The following MCC variants were observed in gnomAD, a reference collection of about 807,000 sequenced individuals.
MCC encodes the protein colorectal mutant cancer protein.
In MCC, 90 loss-of-function variants were observed where a neutral mutation model predicts 116.2. The ratio of observed to expected loss-of-function variants is 0.77; its 90% CI spans 0.65 to 0.92. The LOEUF (loss-of-function observed/expected upper bound fraction) is 0.92. MCC is among the 40% of genes least tolerant of loss of function. MCC has a pLI of 0.00. For synonymous variants in MCC, 578 were observed against 510.5 expected, an observed-to-expected ratio of 1.13 and a Z score of -1.78; for missense variants, 1,516 against 1,312.2, an observed-to-expected ratio of 1.16 and a Z score of -2.40.
At chr5:113,140,791 A>G (rs967179622) in intron 5 of MCC, among the ~76,000 whole-genome samples, 1 of 152,206 alleles carries the variant, frequency 6.6e-6, no homozygotes, top group Non-Finnish European at 1.5e-5. Flanking sequence ...TCTGTCCAGT[A>G]TGACAAGCAA....
intron 16 of MCC, among the ~76,000 whole-genome samples, chr5:113,044,761 A>G (rs1580911558): frequency 6.6e-6 from 1 of 152,108 alleles, no homozygotes; most frequent in East Asian, 1.9e-4. Context: ...TTTAGTAGAG[A>G]CGGGGTTTCT....
rs780358275 is a variant in MCC at position 113,084,155 on chromosome 5, G to C, written c.1581C>G (p.Ser527=). Residue 527 remains serine (S), a synonymous_variant, in exon 10 of 19, where the codon TCC becomes TCG. Coordinates refer to ENST00000408903, the MANE Select transcript of MCC (RefSeq NM_001085377.2). The part of the protein sequence containing the change: ...AERVKLSKTR[S]ESSSSDRPVL... ...CTGGCCGATCAGATGATGACGATTC[G>C]GACCTTGTCTTTGATAGCTTCACCC... The C allele has an allele frequency of 1.2e-6, 2 of 1,614,020 alleles. No individual in the cohort carries two copies. Among genetic ancestry groups the C allele is most frequent in the East Asian group, 2.2e-5 (1 of 44,878 alleles).
chr5:113,161,447 C>G (rs1435733527), intron 3 of MCC, among the ~76,000 whole-genome samples: 1 of 152,070 alleles, frequency 6.6e-6, no homozygotes, highest in Non-Finnish European at 1.5e-5. Context: ...ATTGAATTCC[C>G]CATTCTAGAG....
intron 1 of MCC, among the ~76,000 whole-genome samples, chr5:113,386,409 A>G (rs928624231): frequency 1.3e-5 from 2 of 151,944 alleles, no homozygotes; most frequent in Non-Finnish European, 2.9e-5. Flanking sequence ...GGGCATTTTT[A>G]ATATCTTCTC....
At chr5:113,178,148 G>T (rs1422140076) in intron 3 of MCC, among the ~76,000 whole-genome samples, 2 of 152,180 alleles carry the variant, frequency 1.3e-5, no homozygotes, top group South Asian at 2.1e-4. Context: ...TGCAGAAATG[G>T]TATTTAGAAT....
chr5:113,074,936 C>A (rs989260205), intron 11 of MCC, among the ~76,000 whole-genome samples: 1 of 151,256 alleles, frequency 6.6e-6, no homozygotes, highest in African/African-American at 2.5e-5. Context: ...ACCTCGTCGG[C>A]CTCGGTGTCT....
intron 2 of MCC, among the ~76,000 whole-genome samples, chr5:113,349,451 ATCACT>A (rs1416665776): frequency 1.3e-5 from 2 of 152,114 alleles, no homozygotes; most frequent in East Asian, 1.9e-4. Context: ...AAACCATATG[ATCACT>A]TCAATTGATG....
rs1167316460 is a variant in MCC, at chr5:113,254,043, G to C, written c.627+86476C>G. ...TGGAAGAGCCCACAGGTGCTGAGCA[G>C]AATAAAGGAAAAAAGATTCTCATAA... On this transcript the variant is annotated intron_variant, in intron 3 of 18. Transcript: ENST00000408903. Among the ~76,000 whole-genome samples, 3 of 152,160 alleles carry C rather than the reference G, an allele frequency of 2.0e-5. No individual in the cohort carries two copies. The South Asian group carries it at 6.2e-4, about 32-fold the overall frequency.
intron 3 of MCC, among the ~76,000 whole-genome samples, chr5:113,337,863 C>G (rs1390509307): frequency 2.0e-5 from 3 of 152,176 alleles, no homozygotes; most frequent in Admixed American, 6.5e-5. Flanking sequence ...TCTTTGGCCA[C>G]CTGGGAAGGG....
intron 3 of MCC, among the ~76,000 whole-genome samples, chr5:113,302,774 G>T (rs532778715): frequency 7.7e-4 from 118 of 152,294 alleles, no homozygotes; most frequent in Non-Finnish European, 1.4e-3. Context: ...CTGTCCAAGT[G>T]TATGTGTACA....
chr5:113,467,751 C>T (rs371242113), intron 1 of MCC, among the ~76,000 whole-genome samples: 10 of 152,090 alleles, frequency 6.6e-5, no homozygotes, highest in South Asian at 4.1e-4. Flanking sequence ...GGGGATGGCA[C>T]TGAATCTATA....
At chr5:113,403,492 C>A (rs1372541607) in intron 1 of MCC, among the ~76,000 whole-genome samples, 2 of 152,158 alleles carry the variant, frequency 1.3e-5, no homozygotes, top group African/African-American at 4.8e-5. Flanking sequence ...ACAAAAGGGG[C>A]TCTTCATGTT....
intron 3 of MCC, among the ~76,000 whole-genome samples, chr5:113,304,598 T>A (rs1328798873): frequency 6.6e-6 from 1 of 152,230 alleles, no homozygotes; most frequent in Non-Finnish European, 1.5e-5. Context: ...ACTGTCTGAT[T>A]AGATATTTTC....
chr5:113,219,345 G>T (rs1243706666), intron 3 of MCC, among the ~76,000 whole-genome samples: 2 of 152,208 alleles, frequency 1.3e-5, no homozygotes, highest in Non-Finnish European at 2.9e-5. Flanking sequence ...TTCCTGGGGG[G>T]CCCTGAACTC....
chr5:113,218,434 C>A (rs1462509940), intron 3 of MCC, among the ~76,000 whole-genome samples: 1 of 152,068 alleles, frequency 6.6e-6, no homozygotes, highest in Non-Finnish European at 1.5e-5. Context: ...CCTCCTTGTT[C>A]CTGACATTAC....
intron 6 of MCC, among the ~76,000 whole-genome samples, chr5:113,108,379 G>C (rs569058762): frequency 8.5e-4 from 127 of 149,856 alleles, no homozygotes; most frequent in African/African-American, 3.0e-3. Flanking sequence ...AAGTGGCCAG[G>C]TGTGGTGGCT....
chr5:113,154,893 G>C (rs1270800529), intron 3 of MCC, among the ~76,000 whole-genome samples: 1 of 152,038 alleles, frequency 6.6e-6, no homozygotes, highest in Non-Finnish European at 1.5e-5. Context: ...CTTTGTGCTA[G>C]GAACATTTCA....
chr5:113,257,039 T>G (rs1176957456), intron 3 of MCC, among the ~76,000 whole-genome samples: 1 of 152,312 alleles, frequency 6.6e-6, no homozygotes, highest in Middle Eastern at 3.4e-3. Context: ...TACATCTCGT[T>G]GCACCAAGTG....
chr5:113,324,580 C>A (rs2150372402), intron 3 of MCC, among the ~76,000 whole-genome samples: 1 of 152,154 alleles, frequency 6.6e-6, no homozygotes, highest in South Asian at 2.1e-4. Context: ...ATTATAAAAA[C>A]CATAAATTCT....
Sources: gnomAD v4.1 joint callset for allele counts (sites outside exome capture counted in the v4.1 genomes callset) on GRCh38, gnomAD v4.1.1 for gene constraint, MANE v1.5 for transcripts, NCBI Gene and HGNC (gene_info 2026-07-23, HGNC 2026-07-21) for gene names.